The following LRP1B variants were observed in gnomAD, a reference collection of about 807,000 sequenced individuals.
LRP1B encodes low-density lipoprotein receptor-related protein 1B.
A neutral mutation model predicts 556.6 loss-of-function variants in LRP1B; 217 were observed. The ratio of observed to expected loss-of-function variants is 0.39; its 90% CI spans 0.35 to 0.44. LRP1B has a LOEUF of 0.44. LRP1B is among the 20% of genes least tolerant of loss of function. The pLI is 1.00. For missense variants in LRP1B, 5,053 were observed against 5,620.8 expected, an observed-to-expected ratio of 0.90 and a Z score of 3.23; for synonymous variants, 2,047 against 1,865.8, an observed-to-expected ratio of 1.10 and a Z score of -2.50.
chr2:140,927,596 T>A (rs947746331), intron 20 of LRP1B, among the ~76,000 whole-genome samples: 3 of 151,630 alleles, frequency 2.0e-5, no homozygotes, highest in African/African-American at 7.2e-5. Flanking sequence ...TGTTTTCTAA[T>A]AAAATTTATC....
intron 31 of LRP1B, 54 bp from the exon 32 acceptor site, chr2:140,813,860 T>C (rs962141416): frequency 1.5e-6 from 2 of 1,329,790 alleles, no homozygotes; most frequent in African/African-American, 1.5e-5. Flanking sequence ...AATTGTAATA[T>C]CCACCTAGCA....
chr2:140,888,857 G>A (rs1355847081), intron 23 of LRP1B, among the ~76,000 whole-genome samples: 1 of 151,478 alleles, frequency 6.6e-6, no homozygotes, highest in Non-Finnish European at 1.5e-5. Context: ...CAGCTACTCA[G>A]GAGGCTGAGG....
In LRP1B at chr2:140,321,960, C is replaced by T. The variant is rs767608226; in HGVS notation, c.12640+3G>A. The stretch of plus-strand genomic sequence containing the variant: ...TATTTACAGAATAATAAAGTATACC[C>T]ACCTAACAGGCTGTCATCATTGCAG... On this transcript the variant is annotated splice_donor_region_variant and intron_variant, in intron 82 of 90. Transcript: ENST00000389484. 1.2e-6 allele frequency: 2 copies of T among 1,611,204 alleles called. No homozygotes were observed. The highest frequency in any genetic ancestry group is 1.7e-6 in the Non-Finnish European group (2 of 1,178,602).
chr2:140,390,539 G>A (rs530291624), intron 66 of LRP1B, among the ~76,000 whole-genome samples: 3 of 150,436 alleles, frequency 2.0e-5, no homozygotes, highest in African/African-American at 7.3e-5. Context: ...ACTTGGACAG[G>A]CATTGAAAAA....
At position 141,706,963 on chromosome 2, in the gene LRP1B, C is replaced by T. The variant is rs575052989; in HGVS notation, c.205+103316G>A. Among the ~76,000 whole-genome samples, 40 of 152,136 alleles carry T rather than the reference C, an allele frequency of 2.6e-4. 1 individual carries two copies. In the East Asian group the frequency reaches 5.0e-3, roughly 19 times the overall value. On this transcript the variant is annotated intron_variant, in intron 2 of 90. Transcript: ENST00000389484. ...TTTATCAGCCAAGGTATATACTGTA[C>T]ATTATTTCAATTTATTCCTCTATCT...
At chr2:141,531,733 C>T (rs948767320) in intron 2 of LRP1B, among the ~76,000 whole-genome samples, 2 of 152,092 alleles carry the variant, frequency 1.3e-5, no homozygotes, top group Non-Finnish European at 2.9e-5. Context: ...TATGGTCAAA[C>T]AATTATGAAC....
chr2:140,293,944 G>A (rs138668038), intron 84 of LRP1B, among the ~76,000 whole-genome samples: 2 of 152,242 alleles, frequency 1.3e-5, no homozygotes, highest in African/African-American at 4.8e-5. Context: ...AAGGTGGGAA[G>A]CGCTCTGACT....
intron 31 of LRP1B, among the ~76,000 whole-genome samples, chr2:140,825,741 AG>A (rs1169316585): frequency 6.6e-6 from 1 of 152,214 alleles, no homozygotes; most frequent in African/African-American, 2.4e-5. Context: ...TTTAGATTAT[AG>A]GTAAACAATT....
chr2:141,109,670 A>C (rs2104962079), intron 7 of LRP1B, among the ~76,000 whole-genome samples: 1 of 151,736 alleles, frequency 6.6e-6, no homozygotes, highest in South Asian at 2.1e-4. Flanking sequence ...ACCTTGCAAA[A>C]AAAAAAAAAA....
chr2:140,613,044 C>G (rs984721107), intron 41 of LRP1B, among the ~76,000 whole-genome samples: 2 of 150,640 alleles, frequency 1.3e-5, no homozygotes, highest in Admixed American at 6.7e-5. Flanking sequence ...TTCATGATTA[C>G]ATATGTTTTT....
chr2:140,765,466 C>T (rs1248642161), intron 35 of LRP1B, among the ~76,000 whole-genome samples: 1 of 152,064 alleles, frequency 6.6e-6, no homozygotes, highest in Non-Finnish European at 1.5e-5. Context: ...TTTCTCCTAA[C>T]TAAAATGTAT....
chr2:141,427,653 A>G lies in LRP1B; in HGVS notation c.343+52743T>C, dbSNP rs116509183. ...TAAAATATGTTTACTTAATATTTTC[A>G]TTTTCAAGTACTGGGTTTTTTGTTT... On this transcript the variant is annotated intron_variant, in intron 3 of 90. Transcript: ENST00000389484. 3.4e-3 allele frequency among the ~76,000 whole-genome samples: 511 copies of G among 152,252 alleles called. 3 individuals carry two copies. The highest frequency in any genetic ancestry group is 0.012 in the African/African-American group (480 of 41,564).
chr2:141,306,020 T>C (rs1034297386), intron 3 of LRP1B, among the ~76,000 whole-genome samples: 6 of 152,332 alleles, frequency 3.9e-5, no homozygotes, highest in Middle Eastern at 3.4e-3. Context: ...TTTGTGTCTA[T>C]GTTTTTTAGG....
At position 140,996,136 on chromosome 2, in the gene LRP1B, G is replaced by C. The variant is rs149609456; in HGVS notation, c.2504-2001C>G. 3.5e-3 allele frequency among the ~76,000 whole-genome samples: 530 copies of C among 152,004 alleles called. 4 individuals carry two copies. Among genetic ancestry groups the C allele is most frequent in the African/African-American group, 0.012 (514 of 41,518 alleles). On this transcript the variant is annotated intron_variant, in intron 15 of 90. Coordinates refer to ENST00000389484, the MANE Select transcript of LRP1B (RefSeq NM_018557.3). ...AGCTTGCAATCAGGGTAAAATCTTA[G>C]ATTCTTCATTGTTCTTGACATAAGA...
intron 2 of LRP1B, among the ~76,000 whole-genome samples, chr2:141,617,199 C>T (rs1283665503): frequency 6.6e-6 from 1 of 152,170 alleles, no homozygotes; most frequent in African/African-American, 2.4e-5. Flanking sequence ...ATTTTTTACA[C>T]ACCTATCTCC....
At chr2:140,502,870 T>G (rs1436920364) in intron 54 of LRP1B, 93 bp downstream of exon 54, 1 of 1,278,436 alleles carries the variant, frequency 7.8e-7, no homozygotes, top group Non-Finnish European at 1.1e-6. Flanking sequence ...TAATTTGCAT[T>G]TTCTCTCATT....
chr2:142,029,654 A>G (rs16847952), intron 1 of LRP1B, among the ~76,000 whole-genome samples: 58,722 of 151,582 alleles, frequency 0.39, 13,652 homozygotes, highest in Non-Finnish European at 0.51. Flanking sequence ...TATCCTGTAA[A>G]TGTCTCTCAT....
chr2:141,342,979 G>T (rs1688125885), intron 3 of LRP1B, among the ~76,000 whole-genome samples: 1 of 152,132 alleles, frequency 6.6e-6, no homozygotes, highest in South Asian at 2.1e-4. Flanking sequence ...AGAGAGAAAG[G>T]TCGGGTTACC....
At chr2:141,674,308 C>T (rs1195199756) in intron 2 of LRP1B, among the ~76,000 whole-genome samples, 1 of 151,894 alleles carries the variant, frequency 6.6e-6, no homozygotes, top group Non-Finnish European at 1.5e-5. Context: ...TGTTAATAAT[C>T]ATTTTAAGAC....
Sources: allele counts gnomAD v4.1 joint callset (sites outside exome capture counted in the v4.1 genomes callset), GRCh38; gene constraint gnomAD v4.1.1; transcripts MANE v1.5; gene names NCBI Gene and HGNC (gene_info 2026-07-23, HGNC 2026-07-21).